Variants in KIAA1328 observed in about 807,000 individuals in gnomAD.
KIAA1328 encodes protein hinderin.
A neutral mutation model predicts 68.1 loss-of-function variants in KIAA1328; 52 were observed. The ratio of observed to expected loss-of-function variants is 0.76; its 90% CI spans 0.61 to 0.96. KIAA1328 has a LOEUF of 0.96. Ranked by LOEUF, KIAA1328 falls within the 40% of genes least tolerant of loss-of-function variation. The pLI is 0.00. For missense variants in KIAA1328, 641 were observed against 677.6 expected (o/e 0.95, Z 0.60); for synonymous variants, 232 against 239.4 (o/e 0.97, Z 0.28).
intron 7 of KIAA1328, among the ~76,000 whole-genome samples, chr18:37,117,727 C>G (rs2058154132): frequency 6.6e-6 from 1 of 152,058 alleles, no homozygotes. Context: ...AACCCTTTCC[C>G]CAGAAAAGGA....
intron 7 of KIAA1328, among the ~76,000 whole-genome samples, chr18:37,089,003 G>A (rs1218043183): frequency 6.6e-6 from 1 of 151,914 alleles, no homozygotes; most frequent in African/African-American, 2.4e-5. Flanking sequence ...TATACAACAT[G>A]TGTATATATT....
At chr18:37,226,500 G>A (rs1662905), downstream of KIAA1328, among the ~76,000 whole-genome samples, 42,072 of 151,882 alleles carry the variant, frequency 0.28, 9,351 homozygotes, top group African/African-American at 0.62. Context: ...TTGACTTGCT[G>A]TCTCTATACA....
chr18:37,173,650 G>C (rs187825543), intron 9 of KIAA1328, among the ~76,000 whole-genome samples: 66 of 152,286 alleles, frequency 4.3e-4, no homozygotes, highest in African/African-American at 1.5e-3. Flanking sequence ...TTTCTTCAGG[G>C]ATATGATTGG....
intron 2 of KIAA1328, 38 bp from the exon 3 acceptor site, chr18:36,835,196 G>T (rs767554116): frequency 8.2e-6 from 13 of 1,591,144 alleles, no homozygotes; most frequent in Non-Finnish European, 1.1e-5. Flanking sequence ...AAGATAATAA[G>T]GTATAATTTT....
At chr18:36,858,511 T>C (rs1233564566) in intron 4 of KIAA1328, among the ~76,000 whole-genome samples, 2 of 152,222 alleles carry the variant, frequency 1.3e-5, no homozygotes, top group African/African-American at 4.8e-5. Context: ...TTAACACTGG[T>C]ATAGTACTGT....
chr18:37,140,592 T>C (rs1460918973), intron 7 of KIAA1328, among the ~76,000 whole-genome samples: 1 of 152,136 alleles, frequency 6.6e-6, no homozygotes, highest in Non-Finnish European at 1.5e-5. Context: ...AAAATTTTCA[T>C]TTAGTATTTT....
At chr18:36,877,663 C>CTT (rs908999170) in intron 4 of KIAA1328, among the ~76,000 whole-genome samples, 193 of 115,948 alleles carry the variant, frequency 1.7e-3, no homozygotes, top group Middle Eastern at 4.6e-3. Context: ...CAGTCTGTGT[C>CTT]TTTTTTTTTT....
At chr18:37,102,765 A>G (rs2057660779) in intron 7 of KIAA1328, among the ~76,000 whole-genome samples, 1 of 152,206 alleles carries the variant, frequency 6.6e-6, no homozygotes, top group Admixed American at 6.5e-5. Flanking sequence ...AATGTATCCA[A>G]ATTAGAAAAG....
chr18:36,902,234 G>A (rs2049063448), intron 5 of KIAA1328: 1 of 150,190 alleles, frequency 6.7e-6, no homozygotes, highest in Non-Finnish European at 1.5e-5. Context: ...ATTTGTGATT[G>A]CGTTCTTCAC....
At chr18:36,938,714 A>C (rs1288462094) in intron 5 of KIAA1328, among the ~76,000 whole-genome samples, 2 of 152,172 alleles carry the variant, frequency 1.3e-5, no homozygotes, top group Non-Finnish European at 2.9e-5. Context: ...CTGTAGTTTT[A>C]GGATGTACAT....
intron 7 of KIAA1328, among the ~76,000 whole-genome samples, chr18:37,149,323 A>G (rs1168731500): frequency 1.3e-5 from 2 of 152,180 alleles, no homozygotes; most frequent in Non-Finnish European, 2.9e-5. Context: ...AGGATTACCT[A>G]TTTAATAAGT....
At chr18:37,100,236 G>A (rs1047827755) in intron 7 of KIAA1328, among the ~76,000 whole-genome samples, 2 of 152,212 alleles carry the variant, frequency 1.3e-5, no homozygotes, top group African/African-American at 2.4e-5. Context: ...GCCTCACCCA[G>A]GAAGCACAAG....
At chr18:37,147,508 T>A (rs1235007766) in intron 7 of KIAA1328, among the ~76,000 whole-genome samples, 3 of 152,146 alleles carry the variant, frequency 2.0e-5, no homozygotes, top group Non-Finnish European at 4.4e-5. Context: ...TAGCTACCAG[T>A]TAGTCACCTT....
chr18:37,025,768 G>A (rs1253106207), intron 6 of KIAA1328, among the ~76,000 whole-genome samples: 1 of 152,274 alleles, frequency 6.6e-6, no homozygotes, highest in East Asian at 1.9e-4. Context: ...ACAAGAGAAA[G>A]CAGGAAAGAT....
At chr18:37,054,024 A>G (rs1210923736) in intron 6 of KIAA1328, among the ~76,000 whole-genome samples, 1 of 152,184 alleles carries the variant, frequency 6.6e-6, no homozygotes, top group African/African-American at 2.4e-5. Context: ...ACAAAAGAAG[A>G]TATGTAAGTG....
intron 6 of KIAA1328, among the ~76,000 whole-genome samples, chr18:37,055,110 T>C (rs1375112874): frequency 6.6e-6 from 1 of 152,218 alleles, no homozygotes. Flanking sequence ...TGCTCCATTC[T>C]GTTATTTTCT....
chr18:37,005,075 C>T (rs552604438), intron 6 of KIAA1328, among the ~76,000 whole-genome samples: 1 of 152,044 alleles, frequency 6.6e-6, no homozygotes, highest in South Asian at 2.1e-4. Context: ...AAGAATGATA[C>T]AATGGACTTT....
intron 4 of KIAA1328, among the ~76,000 whole-genome samples, chr18:36,859,294 G>C (rs993490056): frequency 2.0e-5 from 3 of 151,284 alleles, no homozygotes; most frequent in African/African-American, 7.3e-5. Flanking sequence ...GAAGAGTTTT[G>C]ATGGCCTTGT....
chr18:37,060,052 A>G (rs1465265472), intron 6 of KIAA1328, among the ~76,000 whole-genome samples: 3 of 152,162 alleles, frequency 2.0e-5, no homozygotes, highest in South Asian at 2.1e-4. Context: ...AAAAATACCT[A>G]ATGTAGATGA....
Sources: allele counts gnomAD v4.1 joint callset (sites outside exome capture counted in the v4.1 genomes callset), GRCh38; gene constraint gnomAD v4.1.1; transcripts MANE v1.5; gene names NCBI Gene and HGNC (gene_info 2026-07-23, HGNC 2026-07-21).